Variants in ASB7 observed in about 807,000 individuals in gnomAD.
ASB7 encodes ankyrin repeat and SOCS box containing 7, also known as ankyrin repeat and SOCS box protein 7.
ASB7 carries 4 observed loss-of-function variants against 32.5 expected under a neutral mutation model. The observed-to-expected ratio is 0.12, with a 90% CI of 0.06 to 0.28. ASB7 has a LOEUF of 0.28. ASB7 is among the 10% of genes least tolerant of loss of function. The probability of loss-of-function intolerance (pLI) is 1.00; values close to 1 mark genes in which losing one functional copy is unlikely to be tolerated. For missense variants in ASB7, 181 were observed against 407.1 expected, an observed-to-expected ratio of 0.44 and a Z score of 4.78; for synonymous variants, 172 against 155.6, an observed-to-expected ratio of 1.11 and a Z score of -0.78.
chr15:100,620,119 C>T (rs2039778731), intron 4 of ASB7, among the ~76,000 whole-genome samples: 1 of 152,148 alleles, frequency 6.6e-6, no homozygotes. Flanking sequence ...GCTACCCCCT[C>T]AGTATAACAA....
At chr15:100,621,787 A>T (rs1438602512) in intron 4 of ASB7, among the ~76,000 whole-genome samples, 1 of 152,088 alleles carries the variant, frequency 6.6e-6, no homozygotes, top group Non-Finnish European at 1.5e-5. Context: ...GATAGAGAAG[A>T]TAGATGGAAC....
chr15:100,624,896 T>C (rs2039824252), intron 4 of ASB7, among the ~76,000 whole-genome samples: 1 of 109,752 alleles, frequency 9.1e-6, no homozygotes, highest in Admixed American at 1.1e-4. Context: ...TCCAGTCTAT[T>C]GGTGTATAAA....
intron 5 of ASB7, chr15:100,646,412 C>T: frequency 2.4e-6 from 1 of 413,662 alleles, no homozygotes; most frequent in Non-Finnish European, 5.0e-6. Context: ...TATTCTCTTT[C>T]CACAACTTCT....
At chr15:100,647,866 C>T (rs1267389756) in intron 5 of ASB7, among the ~76,000 whole-genome samples, 1 of 152,162 alleles carries the variant, frequency 6.6e-6, no homozygotes, top group Non-Finnish European at 1.5e-5. Flanking sequence ...GGGGACATCT[C>T]TTTCAGTCCC....
intron 5 of ASB7, among the ~76,000 whole-genome samples, chr15:100,642,455 G>T (rs1252259055): frequency 6.6e-6 from 1 of 152,208 alleles, no homozygotes; most frequent in African/African-American, 2.4e-5. Context: ...TACATACAAG[G>T]CTTCCCCGTC....
intron 5 of ASB7, chr15:100,646,137 C>A: frequency 2.5e-6 from 1 of 407,788 alleles, no homozygotes; most frequent in East Asian, 6.2e-5. Flanking sequence ...CTTTGTTTCT[C>A]TGGACATTCC....
intron 5 of ASB7, among the ~76,000 whole-genome samples, chr15:100,632,974 C>A (rs1359054517): frequency 6.6e-6 from 1 of 151,744 alleles, no homozygotes; most frequent in African/African-American, 2.4e-5. Context: ...CTGTTCCCTA[C>A]AGCCAGCCCG....
chr15:100,602,998 G>T lies in ASB7; in HGVS notation c.-321G>T. 1 of 399,476 alleles carries T rather than the reference G, an allele frequency of 2.5e-6. No individual in the cohort carries two copies. Among genetic ancestry groups the T allele is most frequent in the East Asian group, 3.6e-5 (1 of 28,108 alleles). The allele number at this position is 399,476 out of a possible 1,614,324, so 24.7% of individuals were successfully genotyped here. ...ATTTCTTCAATGGAGAAGTTGGTGAGTGTAGAGGAGGCTGAAAGGAGGAAG... is the reference window on the plus strand; with the variant it reads ...ATTTCTTCAATGGAGAAGTTGGTGATTGTAGAGGAGGCTGAAAGGAGGAAG... On this transcript the variant is annotated 5_prime_UTR_variant, in exon 1 of 6. Coordinates refer to ENST00000332783, the MANE Select transcript of ASB7 (RefSeq NM_198243.3).
At chr15:100,604,846 C>T (rs1198525478) in intron 2 of ASB7, among the ~76,000 whole-genome samples, 1 of 152,138 alleles carries the variant, frequency 6.6e-6, no homozygotes, top group African/African-American at 2.4e-5. Flanking sequence ...GGGAGATGGC[C>T]TAATGATTAC....
intron 5 of ASB7, among the ~76,000 whole-genome samples, chr15:100,637,844 C>A (rs910156709): frequency 6.6e-6 from 1 of 152,182 alleles, no homozygotes; most frequent in African/African-American, 2.4e-5. Context: ...AATGCAGAAG[C>A]AGATCTCTGA....
chr15:100,632,265 G>A (rs541611014), intron 5 of ASB7, among the ~76,000 whole-genome samples: 7 of 152,328 alleles, frequency 4.6e-5, no homozygotes, highest in South Asian at 2.1e-4. Context: ...TGCGCACAGC[G>A]AGGGGTGGGG....
chr15:100,611,640 C>T (rs536343982), intron 3 of ASB7, among the ~76,000 whole-genome samples: 14 of 150,878 alleles, frequency 9.3e-5, no homozygotes, highest in African/African-American at 2.4e-4. Context: ...CCACCACACC[C>T]GGCTAATTTT....
Position 100,650,430 on chromosome 15 carries a change from C to T in ASB7, c.*1968C>T, listed in dbSNP as rs2141411216. Reference sequence around the variant, plus strand: ...AATTGAGTGTGACTTCTCCCTACAACCCCAGGCCCAGGGATAGGAGGAGGC... The same window carrying T: ...AATTGAGTGTGACTTCTCCCTACAATCCCAGGCCCAGGGATAGGAGGAGGC... On this transcript the variant is annotated 3_prime_UTR_variant, in exon 6 of 6. Transcript: ENST00000332783. 6.6e-6 allele frequency: 1 copy of T among 152,380 alleles called. No homozygotes were observed. Among genetic ancestry groups the T allele is most frequent in the East Asian group, 1.9e-4 (1 of 5,188 alleles). The allele number at this position is 152,380 out of a possible 1,614,324, so 9.4% of individuals were successfully genotyped here.
intron 5 of ASB7, among the ~76,000 whole-genome samples, chr15:100,635,238 T>A (rs2039914512): frequency 1.3e-5 from 2 of 152,196 alleles, no homozygotes; most frequent in African/African-American, 4.8e-5. Flanking sequence ...AAGACAGGAT[T>A]TTACAATTAC....
chr15:100,643,574 C>T (rs541248515), intron 5 of ASB7, among the ~76,000 whole-genome samples: 1 of 144,652 alleles, frequency 6.9e-6, no homozygotes, highest in East Asian at 2.2e-4. Flanking sequence ...ACTGCAACCT[C>T]TGCCTCCTGG....
chr15:100,614,845 C>T (rs1401291158), intron 4 of ASB7, among the ~76,000 whole-genome samples: 1 of 151,978 alleles, frequency 6.6e-6, no homozygotes, highest in African/African-American at 2.4e-5. Flanking sequence ...GCATGCCCAC[C>T]GTGGGCTGCA....
chr15:100,607,907 T>A (rs899728221), intron 2 of ASB7, among the ~76,000 whole-genome samples: 1 of 152,210 alleles, frequency 6.6e-6, no homozygotes, highest in Non-Finnish European at 1.5e-5. Context: ...TGTTAATAAA[T>A]TAACACCATT....
At chr15:100,645,098 C>A (rs868155863) in intron 5 of ASB7, among the ~76,000 whole-genome samples, 1 of 152,142 alleles carries the variant, frequency 6.6e-6, no homozygotes, top group South Asian at 2.1e-4. Flanking sequence ...GGATAAAGTA[C>A]AAGAATAGTT....
intron 5 of ASB7, among the ~76,000 whole-genome samples, chr15:100,631,508 G>C (rs2039883420): frequency 6.6e-6 from 1 of 152,106 alleles, no homozygotes; most frequent in Non-Finnish European, 1.5e-5. Context: ...TGCTTGCCTT[G>C]TTGTTGTTCT....
Sources: allele counts gnomAD v4.1 joint callset (sites outside exome capture counted in the v4.1 genomes callset), GRCh38; gene constraint gnomAD v4.1.1; transcripts MANE v1.5; gene names NCBI Gene and HGNC (gene_info 2026-07-23, HGNC 2026-07-21).